DHRS11: variants seen among roughly 807,000 people sequenced by gnomAD.
DHRS11 encodes the protein dehydrogenase/reductase SDR family member 11.
DHRS11 carries 18 observed loss-of-function variants against 30.7 expected under a neutral mutation model. That is an observed-to-expected ratio of 0.59 (90% CI 0.41 to 0.87). DHRS11 has a LOEUF of 0.87. DHRS11 is among the 40% of genes least tolerant of loss of function. The pLI, the probability that DHRS11 is intolerant of heterozygous loss-of-function variation, is 0.00. For missense variants in DHRS11, 300 were observed against 349.0 expected (o/e 0.86, Z 1.12); for synonymous variants, 123 against 139.6 (o/e 0.88, Z 0.84).
intron 4 of DHRS11, 200 bp downstream of exon 4, chr17:36,599,250 G>A (rs889176517): frequency 3.7e-5 from 32 of 870,466 alleles, no homozygotes; most frequent in Non-Finnish European, 4.9e-5. Context: ...AGGAGCCAAC[G>A]ACCAGACTTA....
chr17:36,599,015 G>A lies in DHRS11; in HGVS notation c.547G>A (p.Glu183Lys). The change falls in exon 4 of 7, where the codon GAG becomes AAG. Residue 183 changes from glutamate (E) to lysine (K), a missense_variant. By Grantham distance (56) the Glu-to-Lys change is moderately conservative (BLOSUM62 1). Coordinates refer to ENST00000618403, the MANE Select transcript of DHRS11 (RefSeq NM_024308.4). ...TGCGCTGACAGAGGGACTGAGGCAAGAGCTTCGGGAGGCCCAGACCCACAT... is the reference window on the plus strand; with the variant it reads ...TGCGCTGACAGAGGGACTGAGGCAAAAGCTTCGGGAGGCCCAGACCCACAT... ...VTALTEGLRQ[E>K]LREAQTHIRA... 3.1e-6 allele frequency: 5 copies of A among 1,612,928 alleles called. No homozygotes were observed. The highest frequency in any genetic ancestry group is 4.2e-6 in the Non-Finnish European group (5 of 1,180,012).
intron 2 of DHRS11, among the ~76,000 whole-genome samples, chr17:36,595,914 AT>A (rs2074807146): frequency 6.6e-6 from 1 of 152,176 alleles, no homozygotes; most frequent in South Asian, 2.1e-4. Flanking sequence ...ACTAGTAACT[AT>A]GTGACTTTAG....
At chr17:36,596,020 T>A (rs1192740934) in intron 2 of DHRS11, among the ~76,000 whole-genome samples, 1 of 152,106 alleles carries the variant, frequency 6.6e-6, no homozygotes, top group Non-Finnish European at 1.5e-5. Context: ...AGCTCCAATG[T>A]CCCCTGGGGC....
At chr17:36,599,564 C>A in intron 4 of DHRS11, 107 bp from the exon 5 acceptor site, 4 of 1,134,780 alleles carry the variant, frequency 3.5e-6, no homozygotes, top group Non-Finnish European at 5.2e-6. Context: ...GGATATCAGG[C>A]AGCCATCACT....
chr17:36,598,068 C>A, intron 2 of DHRS11, 95 bp from the exon 3 acceptor site: 1 of 1,284,428 alleles, frequency 7.8e-7, no homozygotes, highest in Non-Finnish European at 1.1e-6. Context: ...TTTTGGAATG[C>A]CACACTGCCC....
At chr17:36,595,236 C>A in intron 2 of DHRS11, 56 bp downstream of exon 2, 1 of 1,597,920 alleles carries the variant, frequency 6.3e-7, no homozygotes. Flanking sequence ...GAGAGGGGAG[C>A]CAGGGGTTTG....
Position 36,600,670 on chromosome 17 carries a change from TC to T in DHRS11, c.*471del. On this transcript the variant is annotated 3_prime_UTR_variant, in exon 7 of 7. Transcript: ENST00000618403. ...CCCCCTTATCTATCTCCTTCTCGGC[TC>T]CCCAGCCCAGTCTTGGCTTCTTGTC... The T allele has an allele frequency of 4.9e-6, 1 of 205,888 alleles. No homozygotes were observed. 12.8% of individuals were successfully genotyped at this position (205,888 alleles called of 1,614,324 possible).
chr17:36,598,865 C>T (rs1015495255), intron 3 of DHRS11, 56 bp from the exon 4 acceptor site: 18 of 1,564,080 alleles, frequency 1.2e-5, no homozygotes, highest in Admixed American at 1.7e-5. Flanking sequence ...GCAGGAGCAC[C>T]ACTGGTCTCC....
At chr17:36,593,101 G>A (rs547538092) in intron 1 of DHRS11, among the ~76,000 whole-genome samples, 9 of 152,142 alleles carry the variant, frequency 5.9e-5, no homozygotes, top group Non-Finnish European at 1.3e-4. Context: ...CCTATTCTGA[G>A]GAGCTCAGGA....
chr17:36,593,113 C>T (rs561170154), intron 1 of DHRS11, among the ~76,000 whole-genome samples: 1 of 152,302 alleles, frequency 6.6e-6, no homozygotes, highest in South Asian at 2.1e-4. Flanking sequence ...AGCTCAGGAC[C>T]CAGCCCCAGC....
At position 36,600,169 on chromosome 17, in the gene DHRS11, A is replaced by T. The variant is rs1168444707; in HGVS notation, c.749A>T (p.Asp250Val). 1.2e-6 allele frequency: 2 copies of T among 1,613,920 alleles called. No individual in the cohort carries two copies. The highest frequency in any genetic ancestry group is 1.7e-6 in the Non-Finnish European group (2 of 1,180,006). Residue 250 changes from aspartate to valine, a missense_variant, in exon 7 of 7, where the codon GAC (aspartate) becomes GTC (valine). Physicochemically the swap from Asp to Val is radical, Grantham distance 152. Coordinates refer to ENST00000618403, the MANE Select transcript of DHRS11 (RefSeq NM_024308.4). ...GCCTTGTACCTTCCACAGATTGGAG[A>T]CATCCAGATGAGGCCCACGGAGCAG... is the stretch of plus-strand genomic sequence containing the variant. ...LSTPAHIQIG[D>V]IQMRPTEQVT is the part of the protein sequence containing the mutation.
At chr17:36,597,888 A>G in intron 2 of DHRS11, 1 of 551,126 alleles carries the variant, frequency 1.8e-6, no homozygotes. Flanking sequence ...CTGGGTCAGG[A>G]GTGGGTTTGA....
At chr17:36,599,636 C>T (rs1309421710) in intron 4 of DHRS11, 35 bp from the exon 5 acceptor site, 15 of 1,611,416 alleles carry the variant, frequency 9.3e-6, no homozygotes, top group Admixed American at 1.7e-5. Flanking sequence ...CCTGGCAAAG[C>T]TCAGCCCCTG....
Position 36,600,282 on chromosome 17 carries a change from G to C in DHRS11, c.*79G>C, listed in dbSNP as rs1425678330. On this transcript the variant is annotated 3_prime_UTR_variant, in exon 7 of 7. Coordinates refer to ENST00000618403, the MANE Select transcript of DHRS11 (RefSeq NM_024308.4). The stretch of plus-strand genomic sequence containing the variant: ...TCTGGATTTTAGGTGTTGATTTCTG[G>C]ATCACGGGATACCACTTCCTGTCCA... The C allele has an allele frequency of 2.2e-5, 35 of 1,561,340 alleles. No homozygotes were observed. The East Asian group carries it at 7.2e-4, about 32-fold the overall frequency.
At chr17:36,599,364 C>G (rs890314436) in intron 4 of DHRS11, 6 of 555,726 alleles carry the variant, frequency 1.1e-5, no homozygotes, top group Non-Finnish European at 1.9e-5. Context: ...CTCTTGAAGG[C>G]CGCATGATCG....
chr17:36,592,243 C>G lies in DHRS11; in HGVS notation c.147+87C>G. 2.5e-6 allele frequency: 3 copies of G among 1,223,534 alleles called. No homozygotes were observed. The South Asian group carries it at 1.2e-4, about 49-fold the overall frequency. The allele number at this position is 1,223,534 out of a possible 1,614,324, so 75.8% of individuals were successfully genotyped here. On this transcript the variant is annotated intron_variant, in intron 1 of 6. Transcript: ENST00000618403. The surrounding 1 kb of genome is among the most constrained non-coding windows in gnomAD (Gnocchi z 4.4). ...CTGCCCGCCACGCCGGGGCCCTTTG[C>G]TCTAGTCGGGGCGGCCTCTCGGATC...
rs34424724 is a variant in DHRS11 at position 36,595,410 on chromosome 17, C to CTTTT, written c.357+254_357+257dup. Among the ~76,000 whole-genome samples, 57 of 51,638 alleles carry CTTTT rather than the reference C, an allele frequency of 1.1e-3. 9 individuals are homozygous for CTTTT. Among genetic ancestry groups the CTTTT allele is most frequent in the Admixed American group, 2.3e-3 (8 of 3,450 alleles). 33.9% of individuals were successfully genotyped at this position (51,638 alleles called of 152,430 possible). A position where few individuals can be genotyped will look rare whatever the true frequency, so the allele number is the denominator to read the frequency against. On this transcript the variant is annotated intron_variant, in intron 2 of 6. Coordinates refer to ENST00000618403, the MANE Select transcript of DHRS11 (RefSeq NM_024308.4). ...CTTCTTTGAGCCCCTGGAGGTAGTT[C>CTTTT]TTTTTTTTTTTTTTTTTTTTTTTTT...
rs1250239134 is a variant in DHRS11, at chr17:36,592,068, CG to C, written c.65del (p.Gly22AlafsTer15). The part of the protein sequence containing the change: ...RDRLALVTGA[S>X]GGIGAAVARA... ...CGGCTGGCGCTGGTGACGGGGGCCT[CG>C]GGGGGCATCGGCGCGGCCGTGGCCC... is the stretch of plus-strand genomic sequence containing the variant. On this transcript the variant is annotated frameshift_variant, in exon 1 of 7. Coordinates refer to ENST00000618403, the MANE Select transcript of DHRS11 (RefSeq NM_024308.4). LOFTEE classifies it high-confidence loss of function. This position sits in a 1 kb window ranked among gnomAD's most constrained non-coding sequence, Gnocchi z 4.4. The C allele has an allele frequency of 4.0e-6, 5 of 1,238,844 alleles. No homozygotes were observed. Among genetic ancestry groups the C allele is most frequent in the Non-Finnish European group, 1.0e-6 (1 of 990,818 alleles). 76.7% of individuals were successfully genotyped at this position (1,238,844 alleles called of 1,614,324 possible). A position where few individuals can be genotyped will look rare whatever the true frequency, so the allele number is the denominator to read the frequency against.
At chr17:36,599,290 G>C (rs2074836488) in intron 4 of DHRS11, 1 of 635,366 alleles carries the variant, frequency 1.6e-6, no homozygotes, top group African/African-American at 1.8e-5. Flanking sequence ...GCTGACCTGA[G>C]GGAAAGCAAG....
Sources: allele counts gnomAD v4.1 joint callset (sites outside exome capture counted in the v4.1 genomes callset), GRCh38; gene constraint gnomAD v4.1.1; non-coding constraint Gnocchi (gnomAD v3.1); transcripts MANE v1.5; gene names NCBI Gene and HGNC (gene_info 2026-07-23, HGNC 2026-07-21).